The following SPRY3 variants were observed in gnomAD, a reference collection of about 807,000 sequenced individuals.
SPRY3 encodes the protein sprouty RTK signaling antagonist 3, also known as protein sprouty homolog 3.
SPRY3 carries 15 observed loss-of-function variants against 20.2 expected under a neutral mutation model. The observed-to-expected ratio is 0.74, with a 90% confidence interval of 0.50 to 1.14. The LOEUF is 1.14. Among genes scored for constraint, SPRY3 ranks in the 50% most tolerant of loss-of-function variants. SPRY3 has a pLI of 0.00. For synonymous variants in SPRY3, 143 were observed against 136.5 expected, an observed-to-expected ratio of 1.05 and a Z score of -0.33; for missense variants, 364 against 363.9, an observed-to-expected ratio of 1.00 and a Z score of 0.00.
chrX:155,738,283 A>G (rs774706049), intron 2 of SPRY3, among the ~76,000 whole-genome samples: 3 of 152,282 alleles, frequency 2.0e-5, no homozygotes, highest in African/African-American at 7.2e-5. Flanking sequence ...AATGCTTGCA[A>G]GTCACAACTG....
intron 2 of SPRY3, among the ~76,000 whole-genome samples, chrX:155,757,702 C>A (rs1288790565): frequency 6.6e-6 from 1 of 152,022 alleles, no homozygotes; most frequent in Non-Finnish European, 1.5e-5. Context: ...GATCTCTGAA[C>A]AAAAAATCTC....
chrX:155,720,096 G>A (rs186601869), intron 2 of SPRY3, among the ~76,000 whole-genome samples: 55 of 152,234 alleles, frequency 3.6e-4, no homozygotes, highest in African/African-American at 1.2e-3. Context: ...AGACCAGGCA[G>A]CATTTACTAC....
chrX:155,679,551 T>C (rs2068067637), intron 2 of SPRY3, among the ~76,000 whole-genome samples: 1 of 111,361 alleles, frequency 9.0e-6, no homozygotes, highest in Admixed American at 9.5e-5. Flanking sequence ...CTTAATCACC[T>C]CCTAAAGGTC....
At chrX:155,774,747 CA>C in exon 4 of SPRY3, 1 of 1,602,342 alleles carries the variant, frequency 6.2e-7, no homozygotes, top group East Asian at 2.2e-5. Context: ...GACCTTCCAA[CA>C]AGGTGGATCC....
At chrX:155,714,110 T>C (rs754665735) in intron 2 of SPRY3, among the ~76,000 whole-genome samples, 1 of 152,360 alleles carries the variant, frequency 6.6e-6, no homozygotes, top group East Asian at 1.9e-4. Context: ...CTTTATGTTT[T>C]TTTGAATTTC....
exon 4 of SPRY3, chrX:155,774,260 A>G: frequency 6.2e-7 from 1 of 1,614,006 alleles, no homozygotes; most frequent in Non-Finnish European, 8.5e-7. Flanking sequence ...GGTGCTCTGA[A>G]GGGAGAAGCT....
At chrX:155,762,344 C>T (rs1299291442) in intron 2 of SPRY3, among the ~76,000 whole-genome samples, 1 of 152,060 alleles carries the variant, frequency 6.6e-6, no homozygotes, top group African/African-American at 2.4e-5. Flanking sequence ...TACTACAGTA[C>T]AAATTAAAAA....
At chrX:155,742,676 G>A (rs1423325193) in intron 2 of SPRY3, among the ~76,000 whole-genome samples, 2 of 152,130 alleles carry the variant, frequency 1.3e-5, no homozygotes, top group Non-Finnish European at 2.9e-5. Flanking sequence ...TCAAGATTAA[G>A]AAACTCACTC....
intron 2 of SPRY3, among the ~76,000 whole-genome samples, chrX:155,715,019 G>A (rs772871335): frequency 1.4e-3 from 212 of 152,216 alleles, no homozygotes; most frequent in Middle Eastern, 3.4e-3. Context: ...TGCTGTCTAA[G>A]AGCCTAGGCC....
rs28720845 is a variant in SPRY3 at position 155,698,496 on chromosome X, C to G, written c.-282+41471C>G. 3.6e-5 allele frequency among the ~76,000 whole-genome samples: 4 copies of G among 111,791 alleles called. No homozygotes were observed. The South Asian group carries it at 1.5e-3, about 42-fold the overall frequency. ...CAAGATGTTTTCTGCTTATCTAAAG[C>G]TCACATCCTCATGCCATCAATTCCC... is the stretch of plus-strand genomic sequence containing the variant. On this transcript the variant is annotated intron_variant, in intron 2 of 3. Transcript: ENST00000675360.
intron 2 of SPRY3, among the ~76,000 whole-genome samples, chrX:155,722,137 T>C (rs2091063411): frequency 6.6e-6 from 1 of 152,208 alleles, no homozygotes; most frequent in South Asian, 2.1e-4. Flanking sequence ...CAATAGTGTT[T>C]AGTTGTTATC....
chrX:155,777,574 G>A (rs143253147), downstream of SPRY3: 7,354 of 144,968 alleles, frequency 0.051, 239 homozygotes, highest in Non-Finnish European at 0.08. Flanking sequence ...CGTATAGATG[G>A]GTCCTGTTGG....
intron 2 of SPRY3, among the ~76,000 whole-genome samples, chrX:155,712,580 G>A (rs1409991858): frequency 6.6e-6 from 1 of 151,934 alleles, no homozygotes; most frequent in Non-Finnish European, 1.5e-5. Flanking sequence ...ATCTTTATAG[G>A]TGAAGTGTGT....
At chrX:155,676,191 T>G (rs1402771122) in intron 2 of SPRY3, among the ~76,000 whole-genome samples, 1 of 111,419 alleles carries the variant, frequency 9.0e-6, no homozygotes, top group Non-Finnish European at 1.9e-5. Flanking sequence ...ATGAATATGA[T>G]TCATCTGGTC....
In SPRY3 at chrX:155,741,997, A is replaced by G. The variant is rs185965678; in HGVS notation, c.-281-25965A>G. Among the ~76,000 whole-genome samples the G allele has an allele frequency of 3.3e-5, 5 of 152,264 alleles. No individual in the cohort carries two copies. The East Asian group carries it at 9.7e-4, about 29-fold the overall frequency. On this transcript the variant is annotated intron_variant, in intron 2 of 3. Coordinates refer to ENST00000675360, the Ensembl canonical transcript of SPRY3. Reference sequence around the variant, plus strand: ...CAGGATCAAATTCACGCATAACAATATTAACCTTAAATGTAAATTAGCTAA... The same window carrying G: ...CAGGATCAAATTCACGCATAACAATGTTAACCTTAAATGTAAATTAGCTAA...
intron 2 of SPRY3, among the ~76,000 whole-genome samples, chrX:155,755,654 A>G (rs762005178): frequency 6.6e-6 from 1 of 152,246 alleles, no homozygotes; most frequent in East Asian, 1.9e-4. Flanking sequence ...CATTAATATT[A>G]CATGTCAACC....
chrX:155,719,827 A>G (rs2091044883), intron 2 of SPRY3, among the ~76,000 whole-genome samples: 1 of 151,114 alleles, frequency 6.6e-6, no homozygotes, highest in East Asian at 2.0e-4. Context: ...CCCAGGTACT[A>G]CACTGAAGGA....
chrX:155,744,882 G>A (rs1403101694), intron 2 of SPRY3, among the ~76,000 whole-genome samples: 2 of 151,992 alleles, frequency 1.3e-5, no homozygotes, highest in African/African-American at 4.8e-5. Context: ...ATTGGATTGG[G>A]CTTCAGGGGT....
At chrX:155,687,644 A>G (rs760484663) in intron 2 of SPRY3, among the ~76,000 whole-genome samples, 1 of 112,335 alleles carries the variant, frequency 8.9e-6, no homozygotes, top group Admixed American at 9.4e-5. Context: ...GGTAGTTGCC[A>G]GTAACTCCTG....
Sources: allele counts gnomAD v4.1 joint callset (sites outside exome capture counted in the v4.1 genomes callset), GRCh38; gene constraint gnomAD v4.1.1; transcripts MANE v1.5; gene names NCBI Gene and HGNC (gene_info 2026-07-23, HGNC 2026-07-21).